The following SEC11A variants were observed in gnomAD, a reference collection of about 807,000 sequenced individuals.
SEC11A encodes SEC11 homolog A, signal peptidase complex subunit.
Under a neutral mutation model 25.6 loss-of-function variants are expected in SEC11A, and 14 were observed. The ratio of observed to expected loss-of-function variants is 0.55; its 90% CI spans 0.36 to 0.85. The LOEUF is 0.85. SEC11A is among the 40% of genes least tolerant of loss of function. SEC11A has a pLI of 0.01. For synonymous variants in SEC11A, 83 were observed against 76.4 expected, an observed-to-expected ratio of 1.09 and a Z score of -0.45; for missense variants, 153 against 222.9, an observed-to-expected ratio of 0.69 and a Z score of 2.00.
intron 1 of SEC11A, among the ~76,000 whole-genome samples, chr15:84,692,719 G>C (rs67598809): frequency 0.062 from 9,472 of 152,218 alleles, 381 homozygotes; most frequent in African/African-American, 0.088. Flanking sequence ...ATGGCAAATA[G>C]TTCAAGGAAA....
At chr15:84,711,569 G>C (rs1385104336) in intron 1 of SEC11A, among the ~76,000 whole-genome samples, 5 of 151,896 alleles carry the variant, frequency 3.3e-5, no homozygotes, top group Non-Finnish European at 7.4e-5. Context: ...TGTAACCCCA[G>C]CACTTTAGCA....
At chr15:84,675,685 G>T (rs1317976368) in intron 4 of SEC11A, among the ~76,000 whole-genome samples, 1 of 152,068 alleles carries the variant, frequency 6.6e-6, no homozygotes, top group Non-Finnish European at 1.5e-5. Flanking sequence ...CCGATCCTCT[G>T]CCAATCTTTC....
intron 4 of SEC11A, chr15:84,672,732 G>A (rs943069714): frequency 9.3e-5 from 17 of 183,284 alleles, no homozygotes; most frequent in South Asian, 5.7e-4. Flanking sequence ...CCCATCGTCT[G>A]GGATGTGAGG....
chr15:84,693,066 G>A (rs1012687383), intron 1 of SEC11A, among the ~76,000 whole-genome samples: 2 of 151,894 alleles, frequency 1.3e-5, no homozygotes, highest in Admixed American at 6.6e-5. Context: ...CAAGCAATCC[G>A]CCTACTTCAG....
intron 3 of SEC11A, 126 bp downstream of exon 3, chr15:84,687,498 TA>T: frequency 3.1e-6 from 2 of 648,692 alleles, no homozygotes; most frequent in Non-Finnish European, 4.9e-6. Flanking sequence ...CCAGCATTCA[TA>T]AAAATGGACT....
At chr15:84,670,900 T>G (rs1896966348) in intron 4 of SEC11A, 118 bp from the exon 5 acceptor site, 4 of 511,120 alleles carry the variant, frequency 7.8e-6, no homozygotes, top group Non-Finnish European at 7.1e-6. Context: ...CAAAGTCCAT[T>G]TCTATATACT....
At chr15:84,696,268 T>A (rs1404453300) in intron 1 of SEC11A, among the ~76,000 whole-genome samples, 3 of 152,176 alleles carry the variant, frequency 2.0e-5, no homozygotes, top group African/African-American at 7.2e-5. Flanking sequence ...TCTGGCCTCC[T>A]AAATTCTATG....
intron 4 of SEC11A, 39 bp downstream of exon 4, chr15:84,680,674 G>A: frequency 6.4e-7 from 1 of 1,551,760 alleles, no homozygotes; most frequent in Non-Finnish European, 8.7e-7. Context: ...CACACTTCAA[G>A]TGATATAAAA....
At chr15:84,687,875 T>A (rs552497176) in intron 2 of SEC11A, 101 bp from the exon 3 acceptor site, 12 of 929,938 alleles carry the variant, frequency 1.3e-5, no homozygotes, top group Admixed American at 6.4e-5. Context: ...ACTTTGGGAG[T>A]ATACTCAATA....
intron 1 of SEC11A, among the ~76,000 whole-genome samples, chr15:84,710,629 T>G (rs921979638): frequency 6.6e-6 from 1 of 152,010 alleles, no homozygotes; most frequent in African/African-American, 2.4e-5. Flanking sequence ...CAGAGCAAGA[T>G]TCTGTCTCAA....
chr15:84,689,190 A>G (rs1280808760), intron 2 of SEC11A, among the ~76,000 whole-genome samples: 3 of 152,134 alleles, frequency 2.0e-5, no homozygotes, highest in Non-Finnish European at 4.4e-5. Flanking sequence ...TGTAAAAAAA[A>G]AATTAGCCAA....
intron 2 of SEC11A, among the ~76,000 whole-genome samples, chr15:84,690,171 G>A (rs1888889156): frequency 1.3e-5 from 2 of 152,140 alleles, no homozygotes; most frequent in African/African-American, 2.4e-5. Context: ...GGACCCAGCA[G>A]GAGGTAACTG....
chr15:84,708,802 GA>G (rs1181338604), intron 1 of SEC11A, among the ~76,000 whole-genome samples: 3 of 151,574 alleles, frequency 2.0e-5, no homozygotes, highest in Non-Finnish European at 4.4e-5. Flanking sequence ...AAAAAAAAAT[GA>G]AAAGAAAAGA....
At chr15:84,683,561 A>T (rs180744527) in intron 3 of SEC11A, among the ~76,000 whole-genome samples, 1,779 of 146,602 alleles carry the variant, frequency 0.012, 15 homozygotes, top group African/African-American at 0.022. Flanking sequence ...TATTAGACCT[A>T]TTTTTTTTTT....
At chr15:84,690,522 T>C (rs1170712912) in intron 2 of SEC11A, among the ~76,000 whole-genome samples, 1 of 152,006 alleles carries the variant, frequency 6.6e-6, no homozygotes, top group Admixed American at 6.6e-5. Context: ...GAGGCTAAAA[T>C]GGAAGGATCC....
intron 1 of SEC11A, among the ~76,000 whole-genome samples, chr15:84,703,515 T>C (rs1231001247): frequency 1.3e-5 from 2 of 152,162 alleles, no homozygotes; most frequent in Non-Finnish European, 2.9e-5. Flanking sequence ...TTTGTGATGG[T>C]TCAACATAAA....
At chr15:84,691,746 A>T in intron 1 of SEC11A, 102 bp from the exon 2 acceptor site, 1 of 649,324 alleles carries the variant, frequency 1.5e-6, no homozygotes, top group Non-Finnish European at 2.7e-6. Flanking sequence ...TACTATTAGG[A>T]CAACTACAGT....
At chr15:84,670,530 C>T (rs971061209) in intron 5 of SEC11A, 195 bp downstream of exon 5, 34 of 366,126 alleles carry the variant, frequency 9.3e-5, no homozygotes, top group Middle Eastern at 8.2e-4. Context: ...TGAGCCACTG[C>T]GCCCAGGCTA....
chr15:84,684,823 T>C (rs1001794819), intron 3 of SEC11A, among the ~76,000 whole-genome samples: 3 of 152,062 alleles, frequency 2.0e-5, no homozygotes, highest in Admixed American at 6.6e-5. Context: ...TCCCAGCTAC[T>C]TGGGAGGCTG....
Sources: allele counts gnomAD v4.1 joint callset (sites outside exome capture counted in the v4.1 genomes callset), GRCh38; gene constraint gnomAD v4.1.1; transcripts MANE v1.5; gene names NCBI Gene and HGNC (gene_info 2026-07-23, HGNC 2026-07-21).